SPMIP2: variants seen among roughly 807,000 people sequenced by gnomAD.
SPMIP2 encodes sperm microtubule inner protein 2.
chr4:159,023,693 T>C, the SPMIP2 span, among the ~76,000 whole-genome samples: 6 of 152,212 alleles, frequency 3.9e-5, no homozygotes, highest in African/African-American at 1.4e-4. Context: ...TAGGCTCACA[T>C]GTTATGGCAC....
the SPMIP2 span, chr4:159,007,376 G>T: frequency 4.6e-5 from 31 of 680,082 alleles, no homozygotes; most frequent in Non-Finnish European, 8.0e-5. Context: ...GGAGATGAAA[G>T]AAGTCCCTAA....
chr4:158,986,937 A>G, the SPMIP2 span, among the ~76,000 whole-genome samples: 1 of 142,244 alleles, frequency 7.0e-6, no homozygotes, highest in Non-Finnish European at 1.5e-5. Flanking sequence ...ATTTACAAGA[A>G]AAAAACAAAC....
the SPMIP2 span, among the ~76,000 whole-genome samples, chr4:158,899,459 G>A: frequency 2.6e-5 from 4 of 152,276 alleles, no homozygotes; most frequent in African/African-American, 9.6e-5. Context: ...GGTAGAATTT[G>A]GCTGTGAATC....
the SPMIP2 span, among the ~76,000 whole-genome samples, chr4:158,927,448 T>C: frequency 6.6e-6 from 1 of 152,244 alleles, no homozygotes; most frequent in Non-Finnish European, 1.5e-5. Flanking sequence ...CTCTTACTTT[T>C]AAAAATTTTA....
the SPMIP2 span, among the ~76,000 whole-genome samples, chr4:158,909,852 C>A: frequency 6.6e-6 from 1 of 152,106 alleles, no homozygotes; most frequent in African/African-American, 2.4e-5. Flanking sequence ...ACCATCCTGG[C>A]TAACACGGTG....
At chr4:158,938,624 G>A in the SPMIP2 span, among the ~76,000 whole-genome samples, 7 of 152,264 alleles carry the variant, frequency 4.6e-5, no homozygotes, top group South Asian at 2.1e-4. Flanking sequence ...CCATAGTGAC[G>A]TCACCAGGAC....
the SPMIP2 span, among the ~76,000 whole-genome samples, chr4:158,900,620 G>C: frequency 1.3e-5 from 2 of 152,118 alleles, no homozygotes; most frequent in South Asian, 4.2e-4. Flanking sequence ...GATCTTTGTT[G>C]GTTTAAAGTC....
At chr4:158,979,173 C>T in the SPMIP2 span, among the ~76,000 whole-genome samples, 33 of 152,300 alleles carry the variant, frequency 2.2e-4, no homozygotes, top group South Asian at 5.4e-3. Context: ...CACCTACTCA[C>T]GCCTCAGTAA....
chr4:159,051,248 T>G, the SPMIP2 span, among the ~76,000 whole-genome samples: 1 of 152,326 alleles, frequency 6.6e-6, no homozygotes, highest in South Asian at 2.1e-4. Flanking sequence ...TATGTTCAGA[T>G]GAATGCAAAG....
the SPMIP2 span, among the ~76,000 whole-genome samples, chr4:159,040,142 A>ATG: frequency 8.8e-6 from 1 of 113,428 alleles, no homozygotes; most frequent in Non-Finnish European, 1.8e-5. Flanking sequence ...TGGTACTTAA[A>ATG]TATGTGTGTG....
the SPMIP2 span, among the ~76,000 whole-genome samples, chr4:159,037,599 C>G: frequency 1.3e-5 from 2 of 151,620 alleles, no homozygotes; most frequent in Non-Finnish European, 2.9e-5. Flanking sequence ...GGCAACATGG[C>G]AAGACCCCCA....
At chr4:159,082,359 A>C in the SPMIP2 span, among the ~76,000 whole-genome samples, 1 of 147,174 alleles carries the variant, frequency 6.8e-6, no homozygotes, top group East Asian at 2.0e-4. Flanking sequence ...AAATAAATAA[A>C]TGTTGTGCTT....
At chr4:158,995,898 T>C in the SPMIP2 span, among the ~76,000 whole-genome samples, 1 of 151,800 alleles carries the variant, frequency 6.6e-6, no homozygotes, top group Non-Finnish European at 1.5e-5. Flanking sequence ...TTTTCTGTTC[T>C]TCATGGCAGA....
chr4:159,074,618 A>G, the SPMIP2 span, among the ~76,000 whole-genome samples: 1 of 152,174 alleles, frequency 6.6e-6, no homozygotes, highest in Admixed American at 6.5e-5. Flanking sequence ...TAGTAGGAAT[A>G]TAAGTGACCC....
At chr4:159,059,426 G>A in the SPMIP2 span, among the ~76,000 whole-genome samples, 3 of 152,316 alleles carry the variant, frequency 2.0e-5, no homozygotes, top group South Asian at 6.2e-4. Context: ...AGGCTGAAGT[G>A]CAATGGCACA....
chr4:159,009,635 C>T, the SPMIP2 span, among the ~76,000 whole-genome samples: 3 of 152,054 alleles, frequency 2.0e-5, no homozygotes, highest in African/African-American at 7.2e-5. Context: ...CAAATGTCCC[C>T]ATGTTTCCGT....
the SPMIP2 span, among the ~76,000 whole-genome samples, chr4:159,066,400 G>A: frequency 6.6e-6 from 1 of 151,854 alleles, no homozygotes; most frequent in African/African-American, 2.4e-5. Flanking sequence ...CAGGATATAC[G>A]ACTGAGTCCT....
chr4:158,989,545 G>C, the SPMIP2 span, among the ~76,000 whole-genome samples: 1 of 152,070 alleles, frequency 6.6e-6, no homozygotes, highest in African/African-American at 2.4e-5. Context: ...ATAGACCGAT[G>C]GAACAGAACA....
the SPMIP2 span, among the ~76,000 whole-genome samples, chr4:159,050,305 T>C: frequency 1.3e-5 from 2 of 149,944 alleles, no homozygotes; most frequent in South Asian, 4.2e-4. Flanking sequence ...GCCTGCTGTA[T>C]TGAAAGGGAA....
Sources: allele counts gnomAD v4.1 joint callset (sites outside exome capture counted in the v4.1 genomes callset), GRCh38; gene constraint gnomAD v4.1.1; transcripts MANE v1.5; gene names NCBI Gene and HGNC (gene_info 2026-07-23, HGNC 2026-07-21).